The following VWA3B variants were observed in gnomAD, a reference collection of about 807,000 sequenced individuals.
The protein encoded by VWA3B is von Willebrand factor A domain containing 3B.
In VWA3B, 138 loss-of-function variants were observed where a neutral mutation model predicts 158.3. That is an observed-to-expected ratio of 0.87 (90% confidence interval 0.76 to 1.00). VWA3B has a LOEUF of 1.00. VWA3B is among the 50% of genes least tolerant of loss of function. VWA3B has a pLI of 0.00. For missense variants in VWA3B, 1,555 were observed against 1,565.1 expected, an observed-to-expected ratio of 0.99 and a Z score of 0.11; for synonymous variants, 596 against 587.3, an observed-to-expected ratio of 1.01 and a Z score of -0.21.
rs185923959 is a variant in VWA3B at position 98,248,727 on chromosome 2, T to C, written c.2674-1591T>C. On this transcript the variant is annotated intron_variant, in intron 19 of 27. Coordinates refer to ENST00000477737, the MANE Select transcript of VWA3B (RefSeq NM_144992.5). ...CACACAGCTTAACAAGCCTACAGCT[T>C]CAACAACACTCATATGTTTACATTT... is the stretch of plus-strand genomic sequence containing the variant. 6.1e-3 allele frequency among the ~76,000 whole-genome samples: 932 copies of C among 152,252 alleles called. 14 individuals carry two copies. The highest frequency in any genetic ancestry group is 0.021 in the African/African-American group (890 of 41,518).
At chr2:98,092,603 A>G (rs1682397158) in intron 1 of VWA3B, among the ~76,000 whole-genome samples, 2 of 152,042 alleles carry the variant, frequency 1.3e-5, no homozygotes, top group Admixed American at 1.3e-4. Flanking sequence ...AGATTGTGCC[A>G]CTGCACTCCA....
At chr2:98,124,857 G>A (rs1227637558) in intron 5 of VWA3B, among the ~76,000 whole-genome samples, 4 of 152,134 alleles carry the variant, frequency 2.6e-5, no homozygotes, top group African/African-American at 2.4e-5. Context: ...ACTCTTTGGC[G>A]GGGCAGAATG....
In VWA3B at chr2:98,121,295, T is replaced by G. The variant is rs758936117; in HGVS notation, c.543-4T>G. 6.2e-7 allele frequency: 1 copy of G among 1,611,846 alleles called. No individual in the cohort carries two copies. Among genetic ancestry groups the G allele is most frequent in the Non-Finnish European group, 8.5e-7 (1 of 1,177,998 alleles). On this transcript the variant is annotated splice_region_variant and splice_polypyrimidine_tract_variant and intron_variant, in intron 4 of 27. Transcript: ENST00000477737. Reference sequence around the variant, plus strand: ...CAGTGACCACTCCATGTGATCCTTTTCAGGGTTTCTCAAGAGCCTGTGAAG... The same window carrying G: ...CAGTGACCACTCCATGTGATCCTTTGCAGGGTTTCTCAAGAGCCTGTGAAG...
chr2:98,128,611 T>C (rs1372416534), intron 6 of VWA3B, among the ~76,000 whole-genome samples: 2 of 152,238 alleles, frequency 1.3e-5, no homozygotes, highest in East Asian at 3.8e-4. Flanking sequence ...TCTTATGCTT[T>C]GACCTCTTGG....
Position 98,228,286 on chromosome 2 carries a change from T to C in VWA3B, c.2104T>C (p.Leu702=). 1 of 1,614,080 alleles carries C rather than the reference T, an allele frequency of 6.2e-7. No individual in the cohort carries two copies. Among genetic ancestry groups the C allele is most frequent in the East Asian group, 2.2e-5 (1 of 44,874 alleles). ...EKMQDLYSES[L]IMDWWYNAEK... is the part of the protein sequence containing the mutation. Reference sequence around the variant, plus strand: ...GATGCAAGACCTTTATTCTGAGTCCTTGATCATGGACTGGTGGTACAATGC... The same window carrying C: ...GATGCAAGACCTTTATTCTGAGTCCCTGATCATGGACTGGTGGTACAATGC... Residue 702 remains leucine (L), a synonymous_variant, in exon 15 of 28, where the codon TTG becomes CTG. Coordinates refer to ENST00000477737, the MANE Select transcript of VWA3B (RefSeq NM_144992.5).
At chr2:98,162,999 G>A (rs752975750) in intron 8 of VWA3B, 23 bp downstream of exon 8, 5 of 1,612,652 alleles carry the variant, frequency 3.1e-6, no homozygotes, top group Non-Finnish European at 4.2e-6. Context: ...TCTGGTCACT[G>A]GTGTAAAAGA....
intron 22 of VWA3B, among the ~76,000 whole-genome samples, chr2:98,272,701 G>A (rs1481401067): frequency 2.0e-5 from 3 of 152,164 alleles, no homozygotes; most frequent in East Asian, 1.9e-4. Context: ...TAGGAGTTAT[G>A]AGCCAGGAAT....
intron 2 of VWA3B, among the ~76,000 whole-genome samples, chr2:98,098,855 T>G (rs1370578868): frequency 6.6e-6 from 1 of 152,128 alleles, no homozygotes; most frequent in Non-Finnish European, 1.5e-5. Context: ...TTGCTTTTTA[T>G]TTTTAGTGTA....
intron 19 of VWA3B, among the ~76,000 whole-genome samples, chr2:98,239,539 TTA>T (rs1553425182): frequency 5.9e-5 from 9 of 151,796 alleles, no homozygotes; most frequent in African/African-American, 2.2e-4. Flanking sequence ...TTTTTTTTTT[TTA>T]AATTTATGTA....
rs145848686 is a variant in VWA3B at position 98,236,338 on chromosome 2, T to C, written c.2429-52T>C. 1,407 of 1,596,656 alleles carry C rather than the reference T, an allele frequency of 8.8e-4. 9 individuals are homozygous for C. Among genetic ancestry groups the C allele is most frequent in the Middle Eastern group, 4.5e-3 (27 of 5,988 alleles). ...ACAAGCGTGATCCCTTTGCATTTTATGTAAAACCCATATGTGAGGAAAATA... is the reference window on the plus strand; with the variant it reads ...ACAAGCGTGATCCCTTTGCATTTTACGTAAAACCCATATGTGAGGAAAATA... On this transcript the variant is annotated intron_variant, in intron 17 of 27. Coordinates refer to ENST00000477737, the MANE Select transcript of VWA3B (RefSeq NM_144992.5).
rs1026447833 is a variant in VWA3B, at chr2:98,270,802, A to G, written c.2964A>G (p.Leu988=). ...TGTCGATGCTGGAAAGTGAAATCCT[A>G]GCTGGGAAAATGTACATCCAGCAGG... ...KELSMLESEI[L]AGKMYIQQAM... Residue 988 remains leucine, a synonymous_variant, in exon 22 of 28, where the codon CTA becomes CTG. Transcript: ENST00000477737. 5 of 1,614,054 alleles carry G rather than the reference A, an allele frequency of 3.1e-6. No individual in the cohort carries two copies. The African/African-American group carries it at 6.7e-5, about 22-fold the overall frequency.
chr2:98,246,191 A>G (rs1351101882), intron 19 of VWA3B, among the ~76,000 whole-genome samples: 1 of 152,084 alleles, frequency 6.6e-6, no homozygotes, highest in Non-Finnish European at 1.5e-5. Context: ...TGAAATCTCA[A>G]TTTTTAGAAG....
intron 22 of VWA3B, among the ~76,000 whole-genome samples, chr2:98,284,940 C>T (rs1689079085): frequency 6.6e-6 from 1 of 152,098 alleles, no homozygotes; most frequent in South Asian, 2.1e-4. Flanking sequence ...GATTCGGAAG[C>T]TCCTGTACTC....
chr2:98,110,930 C>T (rs1674088618), intron 2 of VWA3B, among the ~76,000 whole-genome samples: 1 of 152,208 alleles, frequency 6.6e-6, no homozygotes, highest in Non-Finnish European at 1.5e-5. Context: ...CACAAACTCT[C>T]TCTTTGCCTG....
chr2:98,129,269 G>T (rs28806780), intron 6 of VWA3B, among the ~76,000 whole-genome samples: 12 of 146,160 alleles, frequency 8.2e-5, no homozygotes, highest in African/African-American at 1.0e-4. Flanking sequence ...GGAGAGAGAG[G>T]GAGGAGAGAG....
intron 2 of VWA3B, among the ~76,000 whole-genome samples, chr2:98,105,939 A>G (rs541184418): frequency 1.3e-5 from 2 of 151,800 alleles, no homozygotes; most frequent in African/African-American, 4.8e-5. Context: ...TTTTTGAGAC[A>G]GAGTCTCGCT....
chr2:98,144,118 T>C, intron 7 of VWA3B, among the ~76,000 whole-genome samples: 1 of 152,240 alleles, frequency 6.6e-6, no homozygotes, highest in East Asian at 1.9e-4. Context: ...TAAGAATATA[T>C]ATTAATACAT....
At chr2:98,135,321 TTTTC>T (rs1343902292) in intron 7 of VWA3B, among the ~76,000 whole-genome samples, 1 of 122,920 alleles carries the variant, frequency 8.1e-6, no homozygotes, top group Admixed American at 7.8e-5. Flanking sequence ...ACAAAAACAT[TTTTC>T]TTTTTTTTTT....
At chr2:98,201,065 CT>C (rs1682507111) in intron 12 of VWA3B, among the ~76,000 whole-genome samples, 1 of 152,136 alleles carries the variant, frequency 6.6e-6, no homozygotes, top group South Asian at 2.1e-4. Flanking sequence ...AACCTGAATC[CT>C]CTAGCTTTGT....
Sources: allele counts gnomAD v4.1 joint callset (sites outside exome capture counted in the v4.1 genomes callset), GRCh38; gene constraint gnomAD v4.1.1; transcripts MANE v1.5; gene names NCBI Gene and HGNC (gene_info 2026-07-23, HGNC 2026-07-21).